PPP2R3A: variants seen among roughly 807,000 people sequenced by gnomAD.
PPP2R3A encodes serine/threonine-protein phosphatase 2A regulatory subunit B'' subunit alpha.
A neutral mutation model predicts 106.9 loss-of-function variants in PPP2R3A; 80 were observed. That is an observed-to-expected ratio of 0.75 (90% CI 0.62 to 0.90). The LOEUF (loss-of-function observed/expected upper bound fraction) is 0.90. Among genes scored for constraint, PPP2R3A ranks in the 40% least tolerant of loss-of-function variants. The pLI is 0.00. For synonymous variants in PPP2R3A, 483 were observed against 468.3 expected, an observed-to-expected ratio of 1.03 and a Z score of -0.41; for missense variants, 1,386 against 1,350.4, an observed-to-expected ratio of 1.03 and a Z score of -0.41.
intron 9 of PPP2R3A, among the ~76,000 whole-genome samples, chr3:136,089,620 TAAAA>T (rs891885941): frequency 6.6e-6 from 1 of 150,998 alleles, no homozygotes; most frequent in Non-Finnish European, 1.5e-5. Flanking sequence ...TTTTTTTTCT[TAAAA>T]AAAAACTAGT....
chr3:136,055,524 T>A, intron 5 of PPP2R3A: 1 of 1,251,802 alleles, frequency 8.0e-7, no homozygotes, highest in South Asian at 1.2e-5. Context: ...CTATCGTGCC[T>A]CATTCTCTGC....
At chr3:135,978,956 G>A (rs1164546027) in intron 1 of PPP2R3A, among the ~76,000 whole-genome samples, 1 of 151,720 alleles carries the variant, frequency 6.6e-6, no homozygotes, top group Non-Finnish European at 1.5e-5. Context: ...CAGAAACTTT[G>A]TAATACAATC....
chr3:136,023,133 G>T, intron 2 of PPP2R3A: 1 of 1,613,484 alleles, frequency 6.2e-7, no homozygotes, highest in Non-Finnish European at 8.5e-7. Flanking sequence ...AGCTTTCCTG[G>T]CAAGGGGCTG....
intron 2 of PPP2R3A, among the ~76,000 whole-genome samples, chr3:136,020,668 T>C (rs1200150187): frequency 6.6e-6 from 1 of 152,066 alleles, no homozygotes; most frequent in Non-Finnish European, 1.5e-5. Context: ...CTGTGAAAAG[T>C]ATAACCAGCA....
In PPP2R3A at chr3:136,001,396, A is replaced by T. The variant is rs1385556646; in HGVS notation, c.-103A>T. On this transcript the variant is annotated 5_prime_UTR_variant, in exon 2 of 14. Transcript: ENST00000264977. ...CATTATATTTGGAAGAAACCACTGA[A>T]CATTGTTATTAAATATATTTTCAGC... 9.9e-7 allele frequency: 1 copy of T among 1,005,342 alleles called. No individual in the cohort carries two copies. The highest frequency in any genetic ancestry group is 2.4e-5 in the East Asian group (1 of 41,304). 62.3% of individuals were successfully genotyped at this position (1,005,342 alleles called of 1,614,324 possible). A position where few individuals can be genotyped will look rare whatever the true frequency, so the allele number is the denominator to read the frequency against.
intron 2 of PPP2R3A, among the ~76,000 whole-genome samples, chr3:136,024,780 T>C (rs1324102501): frequency 6.6e-6 from 1 of 152,138 alleles, no homozygotes; most frequent in Non-Finnish European, 1.5e-5. Flanking sequence ...TCTTTCAGCA[T>C]AGAATAATGG....
At chr3:136,136,191 A>C (rs968183535) in intron 13 of PPP2R3A, among the ~76,000 whole-genome samples, 1 of 151,630 alleles carries the variant, frequency 6.6e-6, no homozygotes, top group Non-Finnish European at 1.5e-5. Context: ...CAGGCATCCA[A>C]GCCTCAGCAT....
Position 136,049,290 on chromosome 3 carries a change from A to G in PPP2R3A, c.2398A>G (p.Lys800Glu), listed in dbSNP as rs1193060313. The G allele has an allele frequency of 4.3e-6, 7 of 1,613,612 alleles. No individual in the cohort carries two copies. The highest frequency in any genetic ancestry group is 5.9e-6 in the Non-Finnish European group (7 of 1,179,764). The change falls in exon 5 of 14, where the codon AAA (lysine) becomes GAA (glutamate). Residue 800 changes from lysine (K) to glutamate (E), a missense_variant. Transcript: ENST00000264977. ...GAATAACCATCATGATGATGCCTCT[A>G]AATTCATCTGTCTTCTAGCAAAGCC... ...LLNNHHDDASKFICLLAKPNC... is the reference protein window; with the variant it reads ...LLNNHHDDASEFICLLAKPNC...
chr3:135,986,095 G>A (rs1932905659), intron 1 of PPP2R3A, among the ~76,000 whole-genome samples: 2 of 152,134 alleles, frequency 1.3e-5, no homozygotes, highest in African/African-American at 4.8e-5. Flanking sequence ...GAGTATGGAA[G>A]AGAAAAAGAG....
At position 136,087,903 on chromosome 3, in the gene PPP2R3A, G is replaced by A. The variant is rs758637772; in HGVS notation, c.2809G>A (p.Glu937Lys). 6.2e-7 allele frequency: 1 copy of A among 1,609,824 alleles called. No individual in the cohort carries two copies. The highest frequency in any genetic ancestry group is 1.7e-5 in the Admixed American group (1 of 59,804). The part of the protein sequence containing the change: ...NDQASSSRII[E>K]RIFSGAVTRG... ...TTTAGCTTCATCAAGCAGGATTATT[G>A]AAAGGATATTCTCTGGTGCAGTAAC... Residue 937 changes from glutamate (E) to lysine (K), a missense_variant, in exon 9 of 14, where the codon GAA becomes AAA. Physicochemically the swap from Glu to Lys is moderately conservative, Grantham distance 56 (BLOSUM62 1). Coordinates refer to ENST00000264977, the MANE Select transcript of PPP2R3A (RefSeq NM_002718.5).
chr3:136,077,187 G>A (rs1936626081), intron 6 of PPP2R3A, among the ~76,000 whole-genome samples: 1 of 152,104 alleles, frequency 6.6e-6, no homozygotes, highest in South Asian at 2.1e-4. Flanking sequence ...TAGGGTCAGA[G>A]GGGTTAGCAC....
chr3:135,976,657 C>T (rs1315162916), intron 1 of PPP2R3A, among the ~76,000 whole-genome samples: 1 of 152,190 alleles, frequency 6.6e-6, no homozygotes. Flanking sequence ...TTGGAGTCCT[C>T]TCCCTTTGTG....
At chr3:135,998,368 C>G (rs1430321427) in intron 1 of PPP2R3A, among the ~76,000 whole-genome samples, 4 of 152,198 alleles carry the variant, frequency 2.6e-5, no homozygotes, top group Non-Finnish European at 4.4e-5. Flanking sequence ...AAAGGCTTCA[C>G]AAGTGAACAA....
chr3:136,097,284 A>G (rs527414041), intron 10 of PPP2R3A, among the ~76,000 whole-genome samples: 1 of 152,258 alleles, frequency 6.6e-6, no homozygotes, highest in African/African-American at 2.4e-5. Context: ...CATGTCCTGC[A>G]TGTATTATCC....
intron 6 of PPP2R3A, among the ~76,000 whole-genome samples, chr3:136,070,770 T>A (rs757682564): frequency 6.6e-6 from 1 of 152,248 alleles, no homozygotes; most frequent in Admixed American, 6.5e-5. Flanking sequence ...TAAAGTAATA[T>A]ATTCCTTCTA....
At chr3:136,046,204 C>A (rs974923727) in intron 4 of PPP2R3A, among the ~76,000 whole-genome samples, 2 of 152,122 alleles carry the variant, frequency 1.3e-5, no homozygotes, top group African/African-American at 4.8e-5. Context: ...GTAATCCCAG[C>A]ACGTTGGGAG....
rs1163040133 is a variant in PPP2R3A at position 136,136,068 on chromosome 3, AAAAAAT to A, written c.3330-8974_3330-8969del. ...CTCAAAAAAAAAAAAAAAAAAAAAA[AAAAAAT>A]TATATATATATATATATATAAAAAA... On this transcript the variant is annotated intron_variant, in intron 13 of 13. Coordinates refer to ENST00000264977, the MANE Select transcript of PPP2R3A (RefSeq NM_002718.5). 1.6e-3 allele frequency among the ~76,000 whole-genome samples: 53 copies of A among 32,286 alleles called. 4 individuals carry two copies. The highest frequency in any genetic ancestry group is 5.2e-3 in the Admixed American group (11 of 2,114). 21.2% of individuals were successfully genotyped at this position (32,286 alleles called of 152,430 possible).
At chr3:136,021,401 C>T (rs569870904) in intron 2 of PPP2R3A, among the ~76,000 whole-genome samples, 96 of 152,018 alleles carry the variant, frequency 6.3e-4, no homozygotes, top group Non-Finnish European at 1.1e-3. Flanking sequence ...TTGATGTGAA[C>T]AGAAGACTCT....
chr3:136,055,174 A>G, intron 5 of PPP2R3A: 1 of 748,570 alleles, frequency 1.3e-6, no homozygotes, highest in Admixed American at 2.5e-5. Flanking sequence ...CAGGATCTCC[A>G]GTTATAAATA....
Sources: gnomAD v4.1 joint callset for allele counts (sites outside exome capture counted in the v4.1 genomes callset) on GRCh38, gnomAD v4.1.1 for gene constraint, MANE v1.5 for transcripts, NCBI Gene and HGNC (gene_info 2026-07-23, HGNC 2026-07-21) for gene names.